The following AGBL4 variants were observed in gnomAD, a reference collection of about 807,000 sequenced individuals.
AGBL4 encodes the protein AGBL carboxypeptidase 4, also known as cytosolic carboxypeptidase 6.
A neutral mutation model predicts 66.4 loss-of-function variants in AGBL4; 58 were observed. That is an observed-to-expected ratio of 0.87 (90% confidence interval 0.71 to 1.09). AGBL4 has a LOEUF of 1.09. AGBL4 is among the 50% of genes least tolerant of loss of function. AGBL4 has a pLI of 0.00. For missense variants in AGBL4, 579 were observed against 631.0 expected (o/e 0.92, Z 0.88); for synonymous variants, 234 against 222.9 (o/e 1.05, Z -0.44).
At chr1:48,763,000 C>A (rs1427443820) in intron 6 of AGBL4, among the ~76,000 whole-genome samples, 1 of 152,102 alleles carries the variant, frequency 6.6e-6, no homozygotes, top group Non-Finnish European at 1.5e-5. Context: ...GTGCCTGCTA[C>A]ACACTGAACA....
At chr1:49,687,989 TA>T (rs1394025533) in intron 3 of AGBL4, among the ~76,000 whole-genome samples, 3 of 152,282 alleles carry the variant, frequency 2.0e-5, no homozygotes, top group African/African-American at 7.2e-5. Flanking sequence ...GATATTTTGA[TA>T]AAGGCATACA....
chr1:49,270,884 T>C (rs1487208181), intron 3 of AGBL4, among the ~76,000 whole-genome samples: 2 of 152,092 alleles, frequency 1.3e-5, no homozygotes, highest in East Asian at 1.9e-4. Flanking sequence ...CAAACTAAAA[T>C]AAAAACATAA....
intron 3 of AGBL4, among the ~76,000 whole-genome samples, chr1:49,398,241 A>C (rs187565226): frequency 1.3e-5 from 2 of 152,194 alleles, no homozygotes; most frequent in Admixed American, 1.3e-4. Context: ...TGCCCTCAGC[A>C]ATGTGGGCAG....
At chr1:49,248,795 A>G (rs578177993) in intron 3 of AGBL4, among the ~76,000 whole-genome samples, 1 of 152,278 alleles carries the variant, frequency 6.6e-6, no homozygotes, top group South Asian at 2.1e-4. Context: ...CTTCTCATCA[A>G]TAAAGCCAGA....
At chr1:48,961,472 C>T (rs1237830875) in intron 5 of AGBL4, among the ~76,000 whole-genome samples, 2 of 152,158 alleles carry the variant, frequency 1.3e-5, no homozygotes, top group African/African-American at 4.8e-5. Flanking sequence ...CCGTTACACT[C>T]CCTGAGAGAG....
At chr1:49,946,574 T>C (rs1222019787) in intron 1 of AGBL4, among the ~76,000 whole-genome samples, 2 of 151,652 alleles carry the variant, frequency 1.3e-5, no homozygotes, top group Non-Finnish European at 2.9e-5. Flanking sequence ...TAATAGGAAA[T>C]ATCATAGCCC....
At chr1:49,510,350 T>C (rs1282552189) in intron 3 of AGBL4, among the ~76,000 whole-genome samples, 1 of 151,746 alleles carries the variant, frequency 6.6e-6, no homozygotes, top group Non-Finnish European at 1.5e-5. Flanking sequence ...TGAGCATTTT[T>C]TCATGTGTTT....
chr1:48,911,785 C>T (rs1290944050), intron 5 of AGBL4, among the ~76,000 whole-genome samples: 1 of 152,184 alleles, frequency 6.6e-6, no homozygotes, highest in African/African-American at 2.4e-5. Context: ...TTAGCAATGG[C>T]TGGCTCCAGT....
At chr1:49,541,476 G>A (rs1652018200) in intron 3 of AGBL4, among the ~76,000 whole-genome samples, 1 of 152,222 alleles carries the variant, frequency 6.6e-6, no homozygotes, top group Non-Finnish European at 1.5e-5. Flanking sequence ...TTAGCACCCG[G>A]GCCAGGAGCT....
At chr1:49,503,809 G>T (rs1198540269) in intron 3 of AGBL4, among the ~76,000 whole-genome samples, 1 of 152,144 alleles carries the variant, frequency 6.6e-6, no homozygotes, top group African/African-American at 2.4e-5. Flanking sequence ...TACTTAGGAA[G>T]TACCTAATTT....
chr1:49,122,513 T>C (rs1307242146), intron 4 of AGBL4, among the ~76,000 whole-genome samples: 5 of 152,230 alleles, frequency 3.3e-5, no homozygotes, highest in Non-Finnish European at 7.3e-5. Flanking sequence ...AATCTTGTAC[T>C]GATTAACAAC....
chr1:48,583,121 T>G (rs1644764744), intron 11 of AGBL4, among the ~76,000 whole-genome samples: 1 of 152,156 alleles, frequency 6.6e-6, no homozygotes, highest in South Asian at 2.1e-4. Flanking sequence ...TCCCACTGTG[T>G]GAATCAGTCA....
intron 5 of AGBL4, among the ~76,000 whole-genome samples, chr1:49,005,545 C>A (rs3122298): frequency 0.56 from 84,971 of 152,024 alleles, 24,263 homozygotes; most frequent in Non-Finnish European, 0.61. Context: ...ATTCAAGTAA[C>A]CCTTATTTTA....
At chr1:49,948,309 T>A (rs1269480000) in intron 1 of AGBL4, among the ~76,000 whole-genome samples, 5 of 108,200 alleles carry the variant, frequency 4.6e-5, no homozygotes, top group Non-Finnish European at 6.7e-5. Context: ...TATATATAAA[T>A]ATATATATAA....
chr1:48,693,967 C>G (rs189882499), intron 6 of AGBL4, among the ~76,000 whole-genome samples: 1 of 151,758 alleles, frequency 6.6e-6, no homozygotes, highest in East Asian at 1.9e-4. Context: ...ACTCAACCAA[C>G]CCCAGTCTCT....
chr1:49,169,268 C>T (rs1396375541), intron 4 of AGBL4, among the ~76,000 whole-genome samples: 1 of 152,202 alleles, frequency 6.6e-6, no homozygotes, highest in Non-Finnish European at 1.5e-5. Context: ...ACCCTCTGCT[C>T]TAACTCACAG....
At chr1:49,746,130 C>T (rs752961587) in intron 2 of AGBL4, among the ~76,000 whole-genome samples, 1 of 151,856 alleles carries the variant, frequency 6.6e-6, no homozygotes, top group Non-Finnish European at 1.5e-5. Context: ...ATAGCCTCAG[C>T]GTCTCTGCTT....
intron 2 of AGBL4, among the ~76,000 whole-genome samples, chr1:49,730,694 C>G (rs1312147878): frequency 6.6e-6 from 1 of 152,136 alleles, no homozygotes; most frequent in African/African-American, 2.4e-5. Flanking sequence ...AAGCACAGAG[C>G]CACAGCAGGC....
chr1:48,569,396 T>C (rs576767303), intron 11 of AGBL4, among the ~76,000 whole-genome samples: 10 of 152,320 alleles, frequency 6.6e-5, no homozygotes, highest in Non-Finnish European at 1.5e-4. Context: ...CTTTCACAGG[T>C]AGAAAAGTGA....
Sources: allele counts gnomAD v4.1 joint callset (sites outside exome capture counted in the v4.1 genomes callset), GRCh38; gene constraint gnomAD v4.1.1; transcripts MANE v1.5; gene names NCBI Gene and HGNC (gene_info 2026-07-23, HGNC 2026-07-21).